CCN4: variants seen among roughly 807,000 people sequenced by gnomAD.
The protein encoded by CCN4 is CCN family member 4.
A neutral mutation model predicts 36.7 loss-of-function variants in CCN4; 30 were observed. The ratio of observed to expected loss-of-function variants is 0.82; its 90% CI spans 0.61 to 1.11. The LOEUF is 1.11. CCN4 is among the 50% of genes least tolerant of loss of function. The pLI, the probability that CCN4 is intolerant of heterozygous loss-of-function variation, is 0.00. For missense variants in CCN4, 505 were observed against 504.9 expected, an observed-to-expected ratio of 1.00 and a Z score of 0.00; for synonymous variants, 191 against 195.4, an observed-to-expected ratio of 0.98 and a Z score of 0.19.
chr8:133,218,016 T>A (rs922567745), intron 2 of CCN4, among the ~76,000 whole-genome samples: 12 of 151,070 alleles, frequency 7.9e-5, no homozygotes, highest in African/African-American at 2.2e-4. Flanking sequence ...AATGCAAAGA[T>A]GAGTGATTCA....
intron 1 of CCN4, among the ~76,000 whole-genome samples, chr8:133,210,261 C>T (rs1342192787): frequency 6.6e-6 from 1 of 152,078 alleles, no homozygotes; most frequent in African/African-American, 2.4e-5. Flanking sequence ...TCTTTATTTC[C>T]TCTGCCAAGA....
intron 1 of CCN4, among the ~76,000 whole-genome samples, chr8:133,202,682 G>A (rs1853630107): frequency 6.6e-6 from 1 of 152,174 alleles, no homozygotes; most frequent in South Asian, 2.1e-4. Context: ...AGTGCGGTGG[G>A]GGAAGGAGGA....
At chr8:133,212,721 T>A (rs1443500646) in intron 1 of CCN4, 143 bp from the exon 2 acceptor site, 14 of 684,910 alleles carry the variant, frequency 2.0e-5, no homozygotes, top group Non-Finnish European at 3.2e-5. Flanking sequence ...AAGGAGATGT[T>A]TGGCTATCAA....
intron 1 of CCN4, among the ~76,000 whole-genome samples, chr8:133,202,201 A>C (rs2130545202): frequency 6.6e-6 from 1 of 152,344 alleles, no homozygotes; most frequent in African/African-American, 2.4e-5. Flanking sequence ...AGAAAACCAA[A>C]AGGAGTAGCT....
intron 2 of CCN4, among the ~76,000 whole-genome samples, chr8:133,215,247 C>T (rs1158704522): frequency 6.6e-6 from 1 of 152,116 alleles, no homozygotes; most frequent in Non-Finnish European, 1.5e-5. Context: ...GGATCTAGTC[C>T]TTTAACAAGA....
At chr8:133,214,185 G>A (rs1380664187) in intron 2 of CCN4, among the ~76,000 whole-genome samples, 1 of 144,338 alleles carries the variant, frequency 6.9e-6, no homozygotes, top group African/African-American at 2.5e-5. Flanking sequence ...ACTATAAAAT[G>A]TATGTGTTCT....
At position 133,204,690 on chromosome 8, in the gene CCN4, A is replaced by G. The variant is rs189134470; in HGVS notation, c.70-8174A>G. On this transcript the variant is annotated intron_variant, in intron 1 of 4. Transcript: ENST00000250160. ...CTGCCTCAGCCTCCTGAGCAGCTGG[A>G]ACTATAGGCATGTGCCACTACATCC... is the stretch of plus-strand genomic sequence containing the variant. Among the ~76,000 whole-genome samples the G allele has an allele frequency of 1.2e-3, 178 of 152,250 alleles. 1 individual carries two copies. Among genetic ancestry groups the G allele is most frequent in the Non-Finnish European group, 1.4e-3 (98 of 68,022 alleles).
chr8:133,227,446 G>A lies in CCN4; in HGVS notation c.840G>A (p.Glu280=), dbSNP rs1411215513. Residue 280 remains glutamate, a synonymous_variant, in exon 5 of 5, where the codon GAG becomes GAA. Coordinates refer to ENST00000250160, the MANE Select transcript of CCN4 (RefSeq NM_003882.4). ...GKKCLAVYQP[E]ASMNFTLAGC... ...AGTGTCTGGCTGTGTACCAGCCAGA[G>A]GCATCCATGAACTTCACACTTGCGG... is the stretch of plus-strand genomic sequence containing the variant. 6.2e-7 allele frequency: 1 copy of A among 1,614,102 alleles called. No individual in the cohort carries two copies. Among genetic ancestry groups the A allele is most frequent in the East Asian group, 2.2e-5 (1 of 44,880 alleles).
intron 1 of CCN4, among the ~76,000 whole-genome samples, chr8:133,194,286 T>G (rs1853224916): frequency 8.0e-6 from 1 of 125,448 alleles, no homozygotes; most frequent in Non-Finnish European, 1.7e-5. Context: ...GTATGTGGGG[T>G]GTGTCTGGTG....
Position 133,227,793 on chromosome 8 carries a change from G to A in CCN4, c.*83G>A, listed in dbSNP as rs1022071527. 1 of 1,463,648 alleles carries A rather than the reference G, an allele frequency of 6.8e-7. No individual in the cohort carries two copies. Among genetic ancestry groups the A allele is most frequent in the Non-Finnish European group, 9.2e-7 (1 of 1,081,522 alleles). The allele number at this position is 1,463,648 out of a possible 1,614,324, so 90.7% of individuals were successfully genotyped here. A position where few individuals can be genotyped will look rare whatever the true frequency, so the allele number is the denominator to read the frequency against. On this transcript the variant is annotated 3_prime_UTR_variant, in exon 5 of 5. Transcript: ENST00000250160. ...TTATGGCCAATAACTTTTCACCAAT[G>A]AGCCTTAGTTACCCTGATCTGGACC... is the stretch of plus-strand genomic sequence containing the variant.
Position 133,191,074 on chromosome 8 carries a change from C to A in CCN4, c.-71C>A. 1 of 1,562,750 alleles carries A rather than the reference C, an allele frequency of 6.4e-7. No individual in the cohort carries two copies. Among genetic ancestry groups the A allele is most frequent in the Non-Finnish European group, 8.7e-7 (1 of 1,149,354 alleles). On this transcript the variant is annotated 5_prime_UTR_variant, in exon 1 of 5. Coordinates refer to ENST00000250160, the MANE Select transcript of CCN4 (RefSeq NM_003882.4). ...CTCCTGATGGGCCGGCCAGTCTGGG[C>A]CCAGCTCCCCCGAGAGGTGGTCGGA...
At chr8:133,213,264 T>C (rs1190071052) in intron 2 of CCN4, 121 bp downstream of exon 2, 3 of 1,248,238 alleles carry the variant, frequency 2.4e-6, no homozygotes, top group Non-Finnish European at 2.2e-6. Flanking sequence ...CAGCAGGAGA[T>C]ACACCCCATG....
In CCN4 at chr8:133,191,178, G is replaced by A. The variant is rs145240649; in HGVS notation, c.34G>A (p.Val12Met). ...RWFLPWTLAA[V>M]TAAAASTVLA... ...GTTCCTGCCCTGGACGCTGGCAGCA[G>A]TGACAGCAGCAGCCGCCAGCACCGT... Residue 12 changes from valine (V) to methionine (M), a missense_variant, in exon 1 of 5, where the codon GTG becomes ATG. Transcript: ENST00000250160. The A allele has an allele frequency of 8.7e-6, 14 of 1,606,098 alleles. No homozygotes were observed. Among genetic ancestry groups the A allele is most frequent in the Non-Finnish European group, 1.1e-5 (13 of 1,179,736 alleles).
chr8:133,215,190 G>GC (rs1854275288), intron 2 of CCN4, among the ~76,000 whole-genome samples: 2 of 152,196 alleles, frequency 1.3e-5, no homozygotes, highest in African/African-American at 4.8e-5. Context: ...TTATTCTTGA[G>GC]CCCCACCCCA....
At chr8:133,222,827 A>G (rs1854582658) in intron 3 of CCN4, among the ~76,000 whole-genome samples, 1 of 151,886 alleles carries the variant, frequency 6.6e-6, no homozygotes, top group Non-Finnish European at 1.5e-5. Context: ...TATATATGCT[A>G]AAGATTGCTC....
At chr8:133,203,193 G>C in intron 1 of CCN4, among the ~76,000 whole-genome samples, 1 of 152,222 alleles carries the variant, frequency 6.6e-6, no homozygotes, top group African/African-American at 2.4e-5. Flanking sequence ...GGGCACCCAG[G>C]AGGCGGGAAA....
intron 1 of CCN4, among the ~76,000 whole-genome samples, chr8:133,207,412 C>T (rs923202905): frequency 6.6e-5 from 10 of 152,212 alleles, no homozygotes; most frequent in Non-Finnish European, 1.2e-4. Context: ...TCCTTGAGCT[C>T]CCAGCCCCCA....
chr8:133,217,960 A>ACACACACACACACACACACT (rs1204772421), intron 2 of CCN4, among the ~76,000 whole-genome samples: 1 of 150,954 alleles, frequency 6.6e-6, no homozygotes, highest in South Asian at 2.1e-4. Flanking sequence ...ACACACACAC[A>ACACACACACACACACACACT]CTCTTCCTGG....
intron 4 of CCN4, 45 bp from the exon 5 acceptor site, chr8:133,227,366 C>A: frequency 1.3e-6 from 2 of 1,554,606 alleles, no homozygotes; most frequent in Non-Finnish European, 8.7e-7. Flanking sequence ...GGTGGTTGTC[C>A]ATTCTCTGAG....
Sources: gnomAD v4.1 joint callset for allele counts (sites outside exome capture counted in the v4.1 genomes callset) on GRCh38, gnomAD v4.1.1 for gene constraint, MANE v1.5 for transcripts, NCBI Gene and HGNC (gene_info 2026-07-23, HGNC 2026-07-21) for gene names.